The following MCC variants were observed in gnomAD, a reference collection of about 807,000 sequenced individuals.
MCC encodes the protein MCC regulator of Wnt signaling pathway.
In MCC, 90 loss-of-function variants were observed where a neutral mutation model predicts 116.2. That is an observed-to-expected ratio of 0.77 (90% confidence interval 0.65 to 0.92). MCC has a LOEUF of 0.92. MCC is among the 40% of genes least tolerant of loss of function. MCC has a pLI of 0.00. For synonymous variants in MCC, 578 were observed against 510.5 expected (o/e 1.13, Z -1.78); for missense variants, 1,516 against 1,312.2 (o/e 1.16, Z -2.40).
At chr5:113,448,609 G>C (rs772593224) in intron 1 of MCC, among the ~76,000 whole-genome samples, 2 of 148,374 alleles carry the variant, frequency 1.3e-5, no homozygotes, top group Admixed American at 1.3e-4. Flanking sequence ...CACTGCCTTC[G>C]GTTGTGACAA....
intron 3 of MCC, among the ~76,000 whole-genome samples, chr5:113,225,998 C>A (rs1424409794): frequency 6.6e-6 from 1 of 152,220 alleles, no homozygotes; most frequent in African/African-American, 2.4e-5. Context: ...CATGGCAAAA[C>A]CCTGTCTCTA....
At chr5:113,029,327 T>C (rs1750797129) in intron 17 of MCC, among the ~76,000 whole-genome samples, 1 of 151,340 alleles carries the variant, frequency 6.6e-6, no homozygotes. Context: ...GTTTCTAGTC[T>C]TCTAGCTAAT....
chr5:113,193,299 C>T (rs1762235719), intron 3 of MCC, among the ~76,000 whole-genome samples: 1 of 144,088 alleles, frequency 6.9e-6, no homozygotes, highest in East Asian at 2.1e-4. Context: ...TGCAAAGATC[C>T]TTTTACCATG....
At chr5:113,250,592 G>A (rs752098628) in intron 3 of MCC, among the ~76,000 whole-genome samples, 2 of 152,160 alleles carry the variant, frequency 1.3e-5, no homozygotes, top group Non-Finnish European at 2.9e-5. Context: ...CTGTGATCCT[G>A]TGTTCTTGTT....
Position 113,136,469 on chromosome 5 carries a change from C to T in MCC, c.884+6749G>A, listed in dbSNP as rs146940705. 1.7e-3 allele frequency among the ~76,000 whole-genome samples: 266 copies of T among 152,136 alleles called. 1 individual carries two copies. The highest frequency in any genetic ancestry group is 6.0e-3 in the African/African-American group (248 of 41,554). On this transcript the variant is annotated intron_variant, in intron 5 of 18. Transcript: ENST00000408903. Reference sequence around the variant, plus strand: ...TACTTGGTTGAGGACTTTGAGTAATCGTAGCTCTCCTGGTTTAGGAGCTGC... The same window carrying T: ...TACTTGGTTGAGGACTTTGAGTAATTGTAGCTCTCCTGGTTTAGGAGCTGC...
chr5:113,430,465 G>T (rs1379764917), intron 1 of MCC, among the ~76,000 whole-genome samples: 1 of 152,190 alleles, frequency 6.6e-6, no homozygotes, highest in African/African-American at 2.4e-5. Flanking sequence ...CAAAGGTCCA[G>T]CCCTCTGAGG....
intron 1 of MCC, among the ~76,000 whole-genome samples, chr5:113,395,204 C>T (rs1361169432): frequency 6.6e-6 from 1 of 152,076 alleles, no homozygotes; most frequent in Non-Finnish European, 1.5e-5. Context: ...AAAAGAGAAC[C>T]TAAAACATGA....
At chr5:113,262,052 TA>T (rs1274683601) in intron 3 of MCC, among the ~76,000 whole-genome samples, 1 of 152,148 alleles carries the variant, frequency 6.6e-6, no homozygotes, top group African/African-American at 2.4e-5. Flanking sequence ...AAAAAGATAT[TA>T]ACTTTTTCAT....
At chr5:113,337,896 A>C (rs966782328) in intron 3 of MCC, among the ~76,000 whole-genome samples, 2 of 152,204 alleles carry the variant, frequency 1.3e-5, no homozygotes, top group Non-Finnish European at 2.9e-5. Flanking sequence ...CGGGCTCTAC[A>C]GACCCTTCTG....
intron 5 of MCC, among the ~76,000 whole-genome samples, chr5:113,123,121 G>A (rs1482701369): frequency 1.3e-5 from 2 of 152,126 alleles, no homozygotes; most frequent in Non-Finnish European, 2.9e-5. Flanking sequence ...AGATTTCTTC[G>A]CCTCCTCAAA....
chr5:113,398,070 C>G (rs1028563442), intron 1 of MCC, among the ~76,000 whole-genome samples: 1 of 152,154 alleles, frequency 6.6e-6, no homozygotes, highest in South Asian at 2.1e-4. Flanking sequence ...AAGTGGCCAA[C>G]AAACATGAAA....
chr5:113,453,975 T>G (rs1403555760), intron 1 of MCC, among the ~76,000 whole-genome samples: 1 of 152,092 alleles, frequency 6.6e-6, no homozygotes, highest in Non-Finnish European at 1.5e-5. Flanking sequence ...CCGGGTGTGA[T>G]GGCACATGAT....
At chr5:113,173,999 G>A (rs535798567) in intron 3 of MCC, among the ~76,000 whole-genome samples, 1 of 152,248 alleles carries the variant, frequency 6.6e-6, no homozygotes, top group African/African-American at 2.4e-5. Flanking sequence ...AACATGGAGG[G>A]TAACACTGGG....
intron 2 of MCC, among the ~76,000 whole-genome samples, chr5:113,349,491 A>T (rs996976724): frequency 2.4e-4 from 36 of 152,112 alleles, no homozygotes; most frequent in African/African-American, 8.4e-4. Context: ...GTAAAATTCA[A>T]TATCCCTTCA....
intron 1 of MCC, among the ~76,000 whole-genome samples, chr5:113,423,952 A>G (rs1403742353): frequency 6.6e-6 from 1 of 152,138 alleles, no homozygotes; most frequent in Non-Finnish European, 1.5e-5. Context: ...CAGCTCTGAC[A>G]ACCCTGGCTA....
intron 3 of MCC, among the ~76,000 whole-genome samples, chr5:113,280,744 T>C (rs1193379945): frequency 6.6e-6 from 1 of 152,172 alleles, no homozygotes; most frequent in Non-Finnish European, 1.5e-5. Context: ...AGATTTTGTA[T>C]TGCACAAGAC....
In MCC at chr5:113,117,844, C is replaced by T. The variant is rs367707103; in HGVS notation, c.1027+4840G>A. ...TTGTTTCTATTTTAATATGAAGGGC[C>T]GCAAAATCTGATTGCAAATGCTTCA... On this transcript the variant is annotated intron_variant, in intron 6 of 18. Coordinates refer to ENST00000408903, the MANE Select transcript of MCC (RefSeq NM_001085377.2). 5.9e-5 allele frequency among the ~76,000 whole-genome samples: 9 copies of T among 152,276 alleles called. No homozygotes were observed. In the East Asian group the frequency reaches 9.7e-4, roughly 16 times the overall value.
At chr5:113,407,820 CCT>C (rs1368931843) in intron 1 of MCC, among the ~76,000 whole-genome samples, 5 of 148,900 alleles carry the variant, frequency 3.4e-5, no homozygotes, top group East Asian at 1.9e-4. Flanking sequence ...CCCAGGAGCC[CCT>C]GTGTGTGTTG....
At chr5:113,410,838 T>A (rs964685067) in intron 1 of MCC, among the ~76,000 whole-genome samples, 7 of 152,160 alleles carry the variant, frequency 4.6e-5, no homozygotes, top group African/African-American at 7.2e-5. Flanking sequence ...TTCCCACCTA[T>A]GAGTGAGAAC....
Sources: gnomAD v4.1 joint callset for allele counts (sites outside exome capture counted in the v4.1 genomes callset) on GRCh38, gnomAD v4.1.1 for gene constraint, MANE v1.5 for transcripts, NCBI Gene and HGNC (gene_info 2026-07-23, HGNC 2026-07-21) for gene names.